The following WWOX variants were observed in gnomAD, a reference collection of about 807,000 sequenced individuals.
WWOX encodes the protein WW domain-containing oxidoreductase.
Under a neutral mutation model 46.2 loss-of-function variants are expected in WWOX, and 69 were observed. The ratio of observed to expected loss-of-function variants is 1.49; its 90% confidence interval spans 1.23 to 1.82. The LOEUF is 1.82. Ranked by LOEUF, WWOX falls within the 40% of genes most tolerant of loss-of-function variation. The pLI is 0.00. For synonymous variants in WWOX, 359 were observed against 202.6 expected (o/e 1.77, Z -6.56); for missense variants, 919 against 542.6 (o/e 1.69, Z -6.89).
At chr16:78,966,611 A>G (rs1423514168) in intron 8 of WWOX, among the ~76,000 whole-genome samples, 1 of 152,148 alleles carries the variant, frequency 6.6e-6, no homozygotes, top group Non-Finnish European at 1.5e-5. Context: ...AATGTTTTGA[A>G]TCAATAAATA....
chr16:78,748,977 C>G (rs965922217), intron 8 of WWOX, among the ~76,000 whole-genome samples: 5 of 152,214 alleles, frequency 3.3e-5, no homozygotes, highest in African/African-American at 9.6e-5. Flanking sequence ...AAATTTGAAC[C>G]TGACCAAATC....
chr16:79,108,181 A>G (rs780124844), intron 8 of WWOX, among the ~76,000 whole-genome samples: 1 of 152,234 alleles, frequency 6.6e-6, no homozygotes, highest in Non-Finnish European at 1.5e-5. Flanking sequence ...CCACTAGTCC[A>G]CTGTCTAAGT....
intron 8 of WWOX, among the ~76,000 whole-genome samples, chr16:79,112,857 A>C (rs987815478): frequency 6.6e-6 from 1 of 152,172 alleles, no homozygotes; most frequent in Non-Finnish European, 1.5e-5. Flanking sequence ...TTCTGAAGTG[A>C]GCCAAGTGAG....
At chr16:78,317,384 C>G (rs2080376458) in intron 5 of WWOX, among the ~76,000 whole-genome samples, 1 of 152,128 alleles carries the variant, frequency 6.6e-6, no homozygotes, top group Admixed American at 6.5e-5. Context: ...GTGATGGAGA[C>G]TGGATACTGC....
intron 8 of WWOX, among the ~76,000 whole-genome samples, chr16:78,714,725 C>T (rs975130436): frequency 5.9e-5 from 9 of 152,072 alleles, no homozygotes; most frequent in Middle Eastern, 3.4e-3. Flanking sequence ...GGAACTTGGG[C>T]GGAATAAATG....
intron 8 of WWOX, among the ~76,000 whole-genome samples, chr16:78,643,842 C>A (rs1013968316): frequency 7.3e-6 from 1 of 136,060 alleles, no homozygotes; most frequent in African/African-American, 2.6e-5. Flanking sequence ...AAAAAAAAAA[C>A]TTTCTTCCCA....
chr16:78,768,323 C>G (rs1427832893), intron 8 of WWOX, among the ~76,000 whole-genome samples: 2 of 138,606 alleles, frequency 1.4e-5, no homozygotes, highest in African/African-American at 5.2e-5. Flanking sequence ...GGTGCAGTGG[C>G]TCATGCATGT....
At chr16:78,420,442 G>T (rs1361385739) in intron 6 of WWOX, among the ~76,000 whole-genome samples, 1 of 152,098 alleles carries the variant, frequency 6.6e-6, no homozygotes, top group Non-Finnish European at 1.5e-5. Context: ...CCATTAAAAA[G>T]AAATGGATTA....
chr16:79,046,497 G>T (rs1275150466), intron 8 of WWOX, among the ~76,000 whole-genome samples: 2 of 152,196 alleles, frequency 1.3e-5, no homozygotes, highest in African/African-American at 4.8e-5. Flanking sequence ...TCACTGTCTG[G>T]TGAAGGCTGG....
At position 78,123,468 on chromosome 16, in the gene WWOX, G is replaced by A. The variant is rs2042357; in HGVS notation, c.409+8314G>A. ...TTTTTTTTTTTTGTTTTTTTTTTTT[G>A]TTTTTTTGAGATGAAGTCTTCCTCT... On this transcript the variant is annotated intron_variant, in intron 4 of 8. Transcript: ENST00000566780. 3.9e-5 allele frequency: 2 copies of A among 51,836 alleles called. 1 individual carries two copies. Among genetic ancestry groups the A allele is most frequent in the Non-Finnish European group, 7.0e-5 (2 of 28,614 alleles). The allele number at this position is 51,836 out of a possible 1,614,324, so 3.2% of individuals were successfully genotyped here. A position where few individuals can be genotyped will look rare whatever the true frequency, so the allele number is the denominator to read the frequency against.
intron 8 of WWOX, among the ~76,000 whole-genome samples, chr16:78,878,795 C>A (rs935777865): frequency 1.3e-5 from 2 of 151,412 alleles, no homozygotes; most frequent in Non-Finnish European, 2.9e-5. Context: ...GGCTGTAATC[C>A]CAGAAACTCA....
At chr16:78,862,026 G>C (rs1040564008) in intron 8 of WWOX, among the ~76,000 whole-genome samples, 1 of 151,108 alleles carries the variant, frequency 6.6e-6, no homozygotes, top group African/African-American at 2.4e-5. Flanking sequence ...TATAGATATA[G>C]ATACACACAT....
At chr16:78,104,956 C>A (rs2032047698) in intron 1 of WWOX, among the ~76,000 whole-genome samples, 2 of 152,122 alleles carry the variant, frequency 1.3e-5, no homozygotes, top group African/African-American at 4.8e-5. Flanking sequence ...AAATGGGAGA[C>A]CCAGAAAACC....
intron 8 of WWOX, among the ~76,000 whole-genome samples, chr16:78,776,946 C>A (rs560875998): frequency 1.3e-5 from 2 of 152,316 alleles, no homozygotes; most frequent in East Asian, 1.9e-4. Flanking sequence ...GCTTGTATTA[C>A]AATTCGAGAT....
chr16:78,372,362 A>C (rs72796041), intron 5 of WWOX, among the ~76,000 whole-genome samples: 10,093 of 152,080 alleles, frequency 0.066, 360 homozygotes, highest in East Asian at 0.12. Flanking sequence ...CATGCCGTCT[A>C]CCCCCCTGCT....
rs753826013 is a variant in WWOX at position 78,416,233 on chromosome 16, C to T, written c.606-8637C>T. On this transcript the variant is annotated intron_variant, in intron 6 of 8. Coordinates refer to ENST00000566780, the MANE Select transcript of WWOX (RefSeq NM_016373.4). ...CTTTTCATAGTCTGTAAATATTCAT[C>T]ATCTCAGAGCCTTTTGAATTGCAAT... is the stretch of plus-strand genomic sequence containing the variant. Among the ~76,000 whole-genome samples, 173 of 152,334 alleles carry T rather than the reference C, an allele frequency of 1.1e-3. 4 individuals are homozygous for T. The highest frequency in any genetic ancestry group is 2.8e-4 in the Non-Finnish European group (19 of 68,032).
intron 8 of WWOX, among the ~76,000 whole-genome samples, chr16:79,055,479 G>T (rs1318855304): frequency 6.6e-6 from 1 of 152,100 alleles, no homozygotes; most frequent in African/African-American, 2.4e-5. Context: ...ATGTGGAGAG[G>T]CCTTGTGGAG....
chr16:78,950,237 T>C lies in WWOX; in HGVS notation c.1057-261371T>C, dbSNP rs145822322. ...TTCCCTCCTAATCTTTCAGTTGAAT[T>C]ACGGTCTTTAGCTCAAATGCATGAC... On this transcript the variant is annotated intron_variant, in intron 8 of 8. Transcript: ENST00000566780. 1.5e-4 allele frequency among the ~76,000 whole-genome samples: 23 copies of C among 152,300 alleles called. No individual in the cohort carries two copies. The East Asian group carries it at 4.1e-3, about 27-fold the overall frequency.
chr16:78,983,963 T>C (rs12444900), intron 8 of WWOX, among the ~76,000 whole-genome samples: 101,748 of 148,266 alleles, frequency 0.69, 36,062 homozygotes, highest in Non-Finnish European at 0.78. Flanking sequence ...CTGCAAGCTC[T>C]GCATCCCAGG....
Sources: gnomAD v4.1 joint callset for allele counts (sites outside exome capture counted in the v4.1 genomes callset) on GRCh38, gnomAD v4.1.1 for gene constraint, MANE v1.5 for transcripts, NCBI Gene and HGNC (gene_info 2026-07-23, HGNC 2026-07-21) for gene names.